Variants in ITPK1 observed in about 807,000 individuals in gnomAD.
The protein encoded by ITPK1 is inositol 1,3,4-trisphosphate 5/6-kinase.
Under a neutral mutation model 45.3 loss-of-function variants are expected in ITPK1, and 21 were observed. The ratio of observed to expected loss-of-function variants is 0.46; its 90% CI spans 0.33 to 0.67. The LOEUF (loss-of-function observed/expected upper bound fraction) is 0.67, where lower values mean the gene tolerates loss of function less well. ITPK1 is among the 30% of genes least tolerant of loss of function. The pLI is 0.02. For missense variants in ITPK1, 474 were observed against 573.5 expected (o/e 0.83, Z 1.77); for synonymous variants, 258 against 253.6 (o/e 1.02, Z -0.16).
chr14:93,024,467 C>T (rs1186689271), intron 3 of ITPK1, among the ~76,000 whole-genome samples: 2 of 152,304 alleles, frequency 1.3e-5, no homozygotes, highest in East Asian at 1.9e-4. Flanking sequence ...GGCCAGCCAT[C>T]GATTACCTCC....
intron 5 of ITPK1, among the ~76,000 whole-genome samples, chr14:92,970,536 A>C (rs1885594290): frequency 2.0e-5 from 3 of 152,160 alleles, no homozygotes; most frequent in Admixed American, 1.3e-4. Flanking sequence ...CTAGGGGCCC[A>C]TATTATATGG....
At chr14:92,985,266 T>C (rs544742701) in intron 5 of ITPK1, among the ~76,000 whole-genome samples, 14 of 151,748 alleles carry the variant, frequency 9.2e-5, no homozygotes, top group Non-Finnish European at 2.1e-4. Context: ...GACTAAAAAA[T>C]GGGTATTAGT....
intron 5 of ITPK1, among the ~76,000 whole-genome samples, chr14:92,989,309 C>T (rs902787218): frequency 1.3e-5 from 2 of 152,118 alleles, no homozygotes; most frequent in Non-Finnish European, 2.9e-5. Context: ...CATCTGTCAC[C>T]CCCAGAGCAG....
At chr14:92,983,299 G>C (rs1032673950) in intron 5 of ITPK1, among the ~76,000 whole-genome samples, 1 of 152,082 alleles carries the variant, frequency 6.6e-6, no homozygotes, top group Non-Finnish European at 1.5e-5. Flanking sequence ...TCCAGCTCCC[G>C]CTCCCAAAAC....
intron 3 of ITPK1, among the ~76,000 whole-genome samples, chr14:93,031,552 C>T (rs1159736812): frequency 6.6e-6 from 1 of 152,106 alleles, no homozygotes; most frequent in African/African-American, 2.4e-5. Flanking sequence ...GGGTCAGGAG[C>T]CTGGCACTGA....
intron 2 of ITPK1, among the ~76,000 whole-genome samples, chr14:93,092,322 C>T (rs1395792080): frequency 6.6e-6 from 1 of 152,206 alleles, no homozygotes; most frequent in Non-Finnish European, 1.5e-5. Flanking sequence ...ATCCAGGCCT[C>T]CTGACCCCCA....
intron 4 of ITPK1, among the ~76,000 whole-genome samples, chr14:93,002,300 C>T (rs988729610): frequency 6.6e-6 from 1 of 152,170 alleles, no homozygotes; most frequent in Non-Finnish European, 1.5e-5. Flanking sequence ...GTAATCACGA[C>T]ATTGCACTCA....
chr14:93,053,054 C>T (rs192451722), intron 3 of ITPK1, among the ~76,000 whole-genome samples: 1 of 151,732 alleles, frequency 6.6e-6, no homozygotes, highest in Non-Finnish European at 1.5e-5. Flanking sequence ...GTGCAGCACA[C>T]CAACATGGCA....
rs551135387 is a variant in ITPK1, at chr14:92,940,227, C to G, written c.*1334G>C. ...CACTGGGCAGAGGACAGCCCGGAAG[C>G]CTTTTTCACTTTTTCAAAGTAAACT... On this transcript the variant is annotated 3_prime_UTR_variant, in exon 11 of 11. Coordinates refer to ENST00000267615, the MANE Select transcript of ITPK1 (RefSeq NM_014216.6). 6.1e-6 allele frequency: 6 copies of G among 986,570 alleles called. No individual in the cohort carries two copies. The African/African-American group carries it at 8.7e-5, about 14-fold the overall frequency. 61.1% of individuals were successfully genotyped at this position (986,570 alleles called of 1,614,324 possible).
intron 9 of ITPK1, among the ~76,000 whole-genome samples, chr14:92,947,290 C>A (rs1162649634): frequency 6.6e-6 from 1 of 152,238 alleles, no homozygotes; most frequent in African/African-American, 2.4e-5. Context: ...CAGCTTTCCT[C>A]AAGGTTTCCA....
At chr14:92,963,340 G>A (rs765070902) in intron 5 of ITPK1, among the ~76,000 whole-genome samples, 15 of 152,182 alleles carry the variant, frequency 9.9e-5, no homozygotes, top group Admixed American at 5.2e-4. Context: ...GCGCTGTACC[G>A]AGGGCTTTGC....
At position 92,938,331 on chromosome 14, in the gene ITPK1, G is replaced by A. The variant is rs1323276779; in HGVS notation, c.*3230C>T. The A allele has an allele frequency of 4.4e-6, 3 of 678,392 alleles. No homozygotes were observed. Among genetic ancestry groups the A allele is most frequent in the African/African-American group, 3.5e-5 (2 of 56,368 alleles). 42.0% of individuals were successfully genotyped at this position (678,392 alleles called of 1,614,324 possible). A position where few individuals can be genotyped will look rare whatever the true frequency, so the allele number is the denominator to read the frequency against. Reference sequence around the variant, plus strand: ...TTAGTGAAGCCATTCAGCAGTTGTGGCCAGTGGCCAATGTGAGTGCCCAAG... The same window carrying A: ...TTAGTGAAGCCATTCAGCAGTTGTGACCAGTGGCCAATGTGAGTGCCCAAG... On this transcript the variant is annotated 3_prime_UTR_variant, in exon 11 of 11. Coordinates refer to ENST00000267615, the MANE Select transcript of ITPK1 (RefSeq NM_014216.6).
chr14:92,964,812 T>G (rs1885262947), intron 5 of ITPK1, among the ~76,000 whole-genome samples: 1 of 152,194 alleles, frequency 6.6e-6, no homozygotes, highest in Non-Finnish European at 1.5e-5. Flanking sequence ...CCTCCTCAAC[T>G]GTCCCTCCCC....
chr14:92,941,766 C>T lies in ITPK1; in HGVS notation c.1040G>A (p.Gly347Asp), dbSNP rs1391739029. The change falls in exon 11 of 11, where the codon GGC becomes GAC. Residue 347 changes from glycine (G) to aspartate (D), a missense_variant. By Grantham distance (94) the Gly-to-Asp change is moderately conservative. Transcript: ENST00000267615. ...GCATGTCCGCTCGCCCACCAGGCCG[C>T]CCGCCGGCTCGGCCAGAAGCTTGCT... ...RHSKLLAEPA[G>D]GLVGERTCSA... is the part of the protein sequence containing the mutation. The T allele has an allele frequency of 6.2e-7, 1 of 1,605,872 alleles. No homozygotes were observed. The highest frequency in any genetic ancestry group is 8.5e-7 in the Non-Finnish European group (1 of 1,177,498).
chr14:93,061,941 T>C (rs1429916392), intron 3 of ITPK1, among the ~76,000 whole-genome samples: 1 of 152,216 alleles, frequency 6.6e-6, no homozygotes, highest in African/African-American at 2.4e-5. Context: ...ATGCTAAGTG[T>C]GTTTGTGGGA....
Position 92,958,251 on chromosome 14 carries a change from T to C in ITPK1, c.620A>G (p.Tyr207Cys), listed in dbSNP as rs1297242538. Reference sequence around the variant, plus strand: ...GAGTGAGGGCCTCTGGACCACGGTGTAGGACTCGCCAACCACGAACACCTT... The same window carrying C: ...GAGTGAGGGCCTCTGGACCACGGTGCAGGACTCGCCAACCACGAACACCTT... ...LYKVFVVGES[Y>C]TVVQRPSLKN... The change falls in exon 8 of 11, where the codon TAC becomes TGC. Residue 207 changes from tyrosine to cysteine, a missense_variant. Around this residue, in one of 2 missense-constraint regions of ITPK1, gnomAD observed 367 missense variants for 480.6 expected, o/e 0.76. Transcript: ENST00000267615. The surrounding 1 kb of genome is among the most constrained non-coding windows in gnomAD (Gnocchi z 4.4). The C allele has an allele frequency of 6.2e-7, 1 of 1,614,150 alleles. No homozygotes were observed. Among genetic ancestry groups the C allele is most frequent in the Admixed American group, 1.7e-5 (1 of 60,020 alleles).
At chr14:93,031,084 T>C (rs1416175532) in intron 3 of ITPK1, among the ~76,000 whole-genome samples, 1 of 152,144 alleles carries the variant, frequency 6.6e-6, no homozygotes, top group Non-Finnish European at 1.5e-5. Context: ...GAGGGGTGCA[T>C]TTCTGCTATT....
intron 5 of ITPK1, among the ~76,000 whole-genome samples, chr14:92,992,804 G>A (rs945056176): frequency 2.0e-5 from 3 of 152,258 alleles, no homozygotes; most frequent in East Asian, 3.8e-4. Flanking sequence ...TGAATGCTGC[G>A]TGACGTGGCA....
intron 4 of ITPK1, among the ~76,000 whole-genome samples, chr14:93,007,870 G>A (rs954783221): frequency 6.6e-6 from 1 of 152,244 alleles, no homozygotes; most frequent in African/African-American, 2.4e-5. Flanking sequence ...TCCTCAGAGA[G>A]CTTGGGGACT....
Sources: allele counts gnomAD v4.1 joint callset (sites outside exome capture counted in the v4.1 genomes callset), GRCh38; gene constraint gnomAD v4.1.1; regional missense constraint gnomAD v4.1.1; non-coding constraint Gnocchi (gnomAD v3.1); transcripts MANE v1.5; gene names NCBI Gene and HGNC (gene_info 2026-07-23, HGNC 2026-07-21).